FMN1: variants seen among roughly 807,000 people sequenced by gnomAD.
FMN1 encodes formin 1, also known as formin-1.
In FMN1, 110 loss-of-function variants were observed where a neutral mutation model predicts 132.4. That is an observed-to-expected ratio of 0.83 (90% CI 0.71 to 0.97). The LOEUF is 0.97. Among genes scored for constraint, FMN1 ranks in the 50% least tolerant of loss-of-function variants. The pLI, the probability that FMN1 is intolerant of heterozygous loss-of-function variation, is 0.00. For missense variants in FMN1, 1,792 were observed against 1,705.3 expected, an observed-to-expected ratio of 1.05 and a Z score of -0.90; for synonymous variants, 722 against 651.7, an observed-to-expected ratio of 1.11 and a Z score of -1.64.
At chr15:33,100,752 A>G (rs899075693) in intron 4 of FMN1, among the ~76,000 whole-genome samples, 1 of 152,238 alleles carries the variant, frequency 6.6e-6, no homozygotes, top group Non-Finnish European at 1.5e-5. Context: ...ATAAAGAATC[A>G]TCATCGTTGT....
At chr15:33,005,230 T>C (rs1308008632) in intron 7 of FMN1, among the ~76,000 whole-genome samples, 1 of 151,884 alleles carries the variant, frequency 6.6e-6, no homozygotes, top group Non-Finnish European at 1.5e-5. Flanking sequence ...AGTGTATAAA[T>C]TGGATGTACC....
At chr15:33,037,864 C>G (rs548247116) in intron 6 of FMN1, among the ~76,000 whole-genome samples, 21 of 152,296 alleles carry the variant, frequency 1.4e-4, no homozygotes, top group African/African-American at 5.1e-4. Context: ...ACATCCAAAA[C>G]TTTTAATTTT....
chr15:33,086,255 T>TAA (rs552991552), intron 5 of FMN1, among the ~76,000 whole-genome samples: 4 of 85,238 alleles, frequency 4.7e-5, no homozygotes, highest in South Asian at 6.9e-4. Flanking sequence ...CATCTCAAAT[T>TAA]AAAAAAAAAA....
At chr15:33,091,957 T>C (rs1484638134) in intron 4 of FMN1, among the ~76,000 whole-genome samples, 1 of 152,214 alleles carries the variant, frequency 6.6e-6, no homozygotes, top group African/African-American at 2.4e-5. Flanking sequence ...TTTAAACATG[T>C]CTTTCCTTTT....
intron 17 of FMN1, among the ~76,000 whole-genome samples, chr15:32,818,350 C>G (rs1840143882): frequency 6.6e-6 from 1 of 152,002 alleles, no homozygotes; most frequent in African/African-American, 2.4e-5. Flanking sequence ...GGAACCTATT[C>G]AAACAAAACA....
chr15:32,896,393 G>C (rs543842332), intron 15 of FMN1, among the ~76,000 whole-genome samples: 1 of 151,996 alleles, frequency 6.6e-6, no homozygotes, highest in South Asian at 2.1e-4. Flanking sequence ...ACTTCCAACA[G>C]AGGACATAAT....
At chr15:33,007,888 T>C in intron 7 of FMN1, 126 bp downstream of exon 7, 1 of 686,666 alleles carries the variant, frequency 1.5e-6, no homozygotes, top group Non-Finnish European at 2.4e-6. Flanking sequence ...CAGTGCCTAC[T>C]GGCAGCTGCA....
chr15:33,098,130 A>G (rs935940699), intron 4 of FMN1, among the ~76,000 whole-genome samples: 1 of 152,208 alleles, frequency 6.6e-6, no homozygotes, highest in Non-Finnish European at 1.5e-5. Context: ...TGGAAATGAG[A>G]CCATACACTT....
chr15:32,816,955 A>C (rs1160480195), intron 17 of FMN1, among the ~76,000 whole-genome samples: 2 of 152,256 alleles, frequency 1.3e-5, no homozygotes, highest in African/African-American at 4.8e-5. Context: ...TAAAATTCAG[A>C]TAAAAAGCTA....
chr15:33,027,258 T>A (rs1327982772), intron 6 of FMN1, among the ~76,000 whole-genome samples: 1 of 152,188 alleles, frequency 6.6e-6, no homozygotes, highest in Admixed American at 6.6e-5. Context: ...CTATACCTAT[T>A]TTCTATTTTA....
At chr15:32,882,609 T>C (rs938561650) in intron 16 of FMN1, among the ~76,000 whole-genome samples, 4 of 152,226 alleles carry the variant, frequency 2.6e-5, no homozygotes, top group Non-Finnish European at 2.9e-5. Context: ...GACTTTATTA[T>C]TGCTTTTAGA....
intron 9 of FMN1, among the ~76,000 whole-genome samples, chr15:32,951,424 G>GAC (rs3081377): frequency 0.011 from 1,612 of 149,046 alleles, 12 homozygotes; most frequent in Middle Eastern, 0.075. Flanking sequence ...GCCCCAGTGG[G>GAC]ACACACACAC....
intron 14 of FMN1, chr15:32,899,765 T>C (rs370116285): frequency 1.4e-4 from 83 of 589,394 alleles, no homozygotes; most frequent in African/African-American, 1.0e-3. Flanking sequence ...AATTGAGTAA[T>C]TGAAAATAAA....
At chr15:33,111,488 A>G (rs773414425) in intron 4 of FMN1, among the ~76,000 whole-genome samples, 3 of 152,216 alleles carry the variant, frequency 2.0e-5, no homozygotes, top group Non-Finnish European at 4.4e-5. Flanking sequence ...AATAAATCCA[A>G]GAAATATAAA....
chr15:32,798,457 T>C (rs1424275392), intron 19 of FMN1, among the ~76,000 whole-genome samples: 1 of 152,218 alleles, frequency 6.6e-6, no homozygotes, highest in African/African-American at 2.4e-5. Context: ...TATTTGTCTA[T>C]ACTGTCTGCG....
intron 3 of FMN1, among the ~76,000 whole-genome samples, chr15:33,170,089 A>G (rs943552438): frequency 1.3e-5 from 2 of 152,158 alleles, no homozygotes; most frequent in South Asian, 4.1e-4. Flanking sequence ...ATAGAACTGA[A>G]TGGAGAACCC....
intron 4 of FMN1, among the ~76,000 whole-genome samples, chr15:33,102,090 A>G (rs893900221): frequency 2.0e-5 from 3 of 151,882 alleles, no homozygotes; most frequent in African/African-American, 4.8e-5. Flanking sequence ...TTTTGGGTGT[A>G]CTCTGTACAT....
At position 32,889,777 on chromosome 15, in the gene FMN1, A is replaced by G. The variant is rs571907304; in HGVS notation, c.3715-1485T>C. On this transcript the variant is annotated intron_variant, in intron 15 of 20. Coordinates refer to ENST00000616417, the MANE Select transcript of FMN1 (RefSeq NM_001277313.2). ...CATTATCACAGCATTTATCACCATT[A>G]ATTTTTTTCCCATAAGTTATTGGGG... Among the ~76,000 whole-genome samples, 10 of 152,164 alleles carry G rather than the reference A, an allele frequency of 6.6e-5. No individual in the cohort carries two copies. The South Asian group carries it at 1.5e-3, about 22-fold the overall frequency.
chr15:32,922,601 C>T (rs960605690), intron 10 of FMN1, among the ~76,000 whole-genome samples: 2 of 152,200 alleles, frequency 1.3e-5, no homozygotes, highest in South Asian at 2.1e-4. Flanking sequence ...TGCTCTTCAA[C>T]AGCCAAACCA....
Sources: gnomAD v4.1 joint callset for allele counts (sites outside exome capture counted in the v4.1 genomes callset) on GRCh38, gnomAD v4.1.1 for gene constraint, MANE v1.5 for transcripts, NCBI Gene and HGNC (gene_info 2026-07-23, HGNC 2026-07-21) for gene names.